SUGCT: variants seen among roughly 807,000 people sequenced by gnomAD.
SUGCT encodes succinyl-CoA:glutarate-CoA transferase.
SUGCT carries 41 observed loss-of-function variants against 55.0 expected under a neutral mutation model. That is an observed-to-expected ratio of 0.74 (90% CI 0.58 to 0.97). The LOEUF is 0.97. Among genes scored for constraint, SUGCT ranks in the 50% least tolerant of loss-of-function variants. The pLI is 0.00. For missense variants in SUGCT, 568 were observed against 547.8 expected (o/e 1.04, Z -0.37); for synonymous variants, 187 against 200.4 (o/e 0.93, Z 0.56).
At chr7:40,564,396 T>TA (rs1444385361) in intron 12 of SUGCT, among the ~76,000 whole-genome samples, 4 of 152,000 alleles carry the variant, frequency 2.6e-5, no homozygotes, top group African/African-American at 4.8e-5. Flanking sequence ...AAAAAATAAA[T>TA]AAATAAAATA....
chr7:40,233,422 T>C (rs1478633353), intron 6 of SUGCT, among the ~76,000 whole-genome samples: 1 of 152,092 alleles, frequency 6.6e-6, no homozygotes, highest in African/African-American at 2.4e-5. Context: ...GGTTACACCA[T>C]GTTGGACAGG....
Position 40,754,626 on chromosome 7 carries a change from C to G in SUGCT, c.1153+5129C>G, listed in dbSNP as rs73312212. Among the ~76,000 whole-genome samples, 95 of 152,302 alleles carry G rather than the reference C, an allele frequency of 6.2e-4. 1 individual carries two copies. Among genetic ancestry groups the G allele is most frequent in the African/African-American group, 2.2e-3 (93 of 41,564 alleles). ...GAATCAGGGGCTACAGCTCAAGGCT[C>G]TGGGTGCACATACCAGGGAGACCTC... On this transcript the variant is annotated intron_variant, in intron 13 of 13. Transcript: ENST00000335693.
chr7:40,476,416 AG>A (rs1790680996), intron 11 of SUGCT, among the ~76,000 whole-genome samples: 1 of 152,116 alleles, frequency 6.6e-6, no homozygotes, highest in Non-Finnish European at 1.5e-5. Context: ...GAAACCGTTG[AG>A]GAAAAAAAAT....
At chr7:40,712,342 T>C (rs184508809) in intron 12 of SUGCT, among the ~76,000 whole-genome samples, 1 of 152,346 alleles carries the variant, frequency 6.6e-6, no homozygotes, top group East Asian at 1.9e-4. Context: ...CAGATTCAGC[T>C]GTATTTTCTA....
intron 1 of SUGCT, 47 bp from the exon 2 acceptor site, chr7:40,180,900 G>C (rs779607926): frequency 1.4e-6 from 2 of 1,416,558 alleles, no homozygotes; most frequent in Non-Finnish European, 2.0e-6. Flanking sequence ...GAAAATGTAA[G>C]AAAATTACTA....
intron 12 of SUGCT, among the ~76,000 whole-genome samples, chr7:40,721,470 G>C (rs1316017538): frequency 6.6e-6 from 1 of 152,190 alleles, no homozygotes; most frequent in African/African-American, 2.4e-5. Context: ...AGACATAATG[G>C]TGAAATGCTG....
intron 9 of SUGCT, among the ~76,000 whole-genome samples, chr7:40,431,607 C>G (rs1346849369): frequency 1.3e-5 from 2 of 152,092 alleles, no homozygotes; most frequent in Non-Finnish European, 2.9e-5. Context: ...TTTTCAGTTT[C>G]TTTAAGCAGT....
intron 12 of SUGCT, among the ~76,000 whole-genome samples, chr7:40,643,297 T>G (rs957033982): frequency 6.6e-6 from 1 of 152,206 alleles, no homozygotes; most frequent in African/African-American, 2.4e-5. Flanking sequence ...AGCCAAACCG[T>G]GATGGATCCT....
chr7:40,145,986 T>C (rs1440502850), intron 1 of SUGCT, among the ~76,000 whole-genome samples: 3 of 152,240 alleles, frequency 2.0e-5, no homozygotes, highest in Non-Finnish European at 2.9e-5. Flanking sequence ...ATTTAGATCC[T>C]GTTAGGAAAC....
chr7:40,773,090 A>G (rs1789262364), intron 13 of SUGCT, among the ~76,000 whole-genome samples: 1 of 152,142 alleles, frequency 6.6e-6, no homozygotes, highest in Non-Finnish European at 1.5e-5. Flanking sequence ...ACAGGGGCAC[A>G]TGGAATCATT....
the SUGCT span, among the ~76,000 whole-genome samples, chr7:40,913,450 C>A: frequency 6.6e-6 from 1 of 152,160 alleles, no homozygotes; most frequent in Non-Finnish European, 1.5e-5. Context: ...TAAAACAGTA[C>A]CCTTGCTATG....
chr7:40,961,412 C>G, the SUGCT span, among the ~76,000 whole-genome samples: 1 of 152,262 alleles, frequency 6.6e-6, no homozygotes, highest in East Asian at 1.9e-4. Context: ...TAACAGAACT[C>G]TATTCTGTTT....
At chr7:40,810,991 A>C (rs1445728345) in intron 13 of SUGCT, among the ~76,000 whole-genome samples, 1 of 152,134 alleles carries the variant, frequency 6.6e-6, no homozygotes, top group Non-Finnish European at 1.5e-5. Context: ...CTAGACAACT[A>C]TCCCAGTTCC....
chr7:40,715,877 T>G (rs1446535561), intron 12 of SUGCT, among the ~76,000 whole-genome samples: 1 of 152,172 alleles, frequency 6.6e-6, no homozygotes, highest in Non-Finnish European at 1.5e-5. Flanking sequence ...GACCATAGTT[T>G]TCTTCTTTGT....
At chr7:40,702,803 T>C (rs1189826103) in intron 12 of SUGCT, among the ~76,000 whole-genome samples, 1 of 152,174 alleles carries the variant, frequency 6.6e-6, no homozygotes, top group East Asian at 1.9e-4. Flanking sequence ...TTTCCTGGGC[T>C]AGTTTCTCAT....
intron 12 of SUGCT, among the ~76,000 whole-genome samples, chr7:40,654,291 C>T (rs1009657312): frequency 3.9e-5 from 6 of 152,140 alleles, no homozygotes; most frequent in Non-Finnish European, 8.8e-5. Flanking sequence ...TTTCTAATTG[C>T]AGTGCAACCC....
the SUGCT span, among the ~76,000 whole-genome samples, chr7:41,031,537 C>G: frequency 6.6e-6 from 1 of 152,198 alleles, no homozygotes; most frequent in Non-Finnish European, 1.5e-5. Context: ...CTGTGACTTC[C>G]ACTTCAAGCC....
chr7:40,165,126 G>A (rs1332462020), intron 1 of SUGCT, among the ~76,000 whole-genome samples: 1 of 152,178 alleles, frequency 6.6e-6, no homozygotes, highest in Admixed American at 6.5e-5. Flanking sequence ...CATGCATAAG[G>A]TCTGGTGGTT....
the SUGCT span, among the ~76,000 whole-genome samples, chr7:40,900,604 TG>T: frequency 6.6e-6 from 1 of 152,188 alleles, no homozygotes; most frequent in African/African-American, 2.4e-5. Flanking sequence ...AAGCCTGGGC[TG>T]GGGAGTGTCA....
Sources: allele counts gnomAD v4.1 joint callset (sites outside exome capture counted in the v4.1 genomes callset), GRCh38; gene constraint gnomAD v4.1.1; transcripts MANE v1.5; gene names NCBI Gene and HGNC (gene_info 2026-07-23, HGNC 2026-07-21).